BST1: variants seen among roughly 807,000 people sequenced by gnomAD.
The protein encoded by BST1 is bone marrow stromal cell antigen 1, also known as ADP-ribosyl cyclase/cyclic ADP-ribose hydrolase 2.
Under a neutral mutation model 40.6 loss-of-function variants are expected in BST1, and 49 were observed. That is an observed-to-expected ratio of 1.21 (90% confidence interval 0.96 to 1.53). The LOEUF is 1.53. BST1 is among the 40% of genes most tolerant of loss of function. BST1 has a pLI of 0.00. For synonymous variants in BST1, 157 were observed against 159.3 expected, an observed-to-expected ratio of 0.99 and a Z score of 0.11; for missense variants, 423 against 395.9, an observed-to-expected ratio of 1.07 and a Z score of -0.58.
At chr4:15,745,680 T>C in the BST1 span, among the ~76,000 whole-genome samples, 1 of 152,204 alleles carries the variant, frequency 6.6e-6, no homozygotes, top group African/African-American at 2.4e-5. Context: ...CAGAGAAACC[T>C]TCCATGGGCT....
At chr4:15,737,954 C>A in exon 7 of BST1, 1 of 463,862 alleles carries the variant, frequency 2.2e-6, no homozygotes, top group Non-Finnish European at 3.8e-6. Context: ...ATGCTCTCCA[C>A]AAGCTTCAGA....
chr4:15,736,089 C>A, downstream of BST1: 1 of 1,288,938 alleles, frequency 7.8e-7, no homozygotes, highest in Non-Finnish European at 1.0e-6. Flanking sequence ...GAGTGCGACC[C>A]AGAGCAGAAC....
chr4:15,763,984 C>T, the BST1 span, among the ~76,000 whole-genome samples: 1 of 152,140 alleles, frequency 6.6e-6, no homozygotes, highest in Middle Eastern at 3.4e-3. Context: ...GTGTGGACAT[C>T]ACTCTACCTT....
chr4:15,715,220 T>G (rs982341151), intron 4 of BST1, 65 bp from the exon 5 acceptor site: 6 of 1,442,036 alleles, frequency 4.2e-6, no homozygotes, highest in Middle Eastern at 1.7e-4. Context: ...TTGTAAAAAA[T>G]GCACATTTCA....
chr4:15,742,953 A>C (rs11947310), downstream of BST1, among the ~76,000 whole-genome samples: 30,900 of 152,296 alleles, frequency 0.2, 3,289 homozygotes, highest in East Asian at 0.38. Flanking sequence ...CAGCTGCAGC[A>C]GAGATGGGAT....
chr4:15,759,109 G>A, the BST1 span, among the ~76,000 whole-genome samples: 1 of 151,928 alleles, frequency 6.6e-6, no homozygotes, highest in Admixed American at 6.5e-5. Flanking sequence ...TCCTAGTTAT[G>A]TATATCAAAA....
intron 2 of BST1, among the ~76,000 whole-genome samples, chr4:15,706,685 T>C (rs1719895292): frequency 6.6e-6 from 1 of 152,248 alleles, no homozygotes; most frequent in Non-Finnish European, 1.5e-5. Context: ...GGTTCAAAGA[T>C]AGAATAGACT....
chr4:15,760,341 T>C, the BST1 span, among the ~76,000 whole-genome samples: 1 of 151,952 alleles, frequency 6.6e-6, no homozygotes. Flanking sequence ...TAAGGATATT[T>C]GGGTTGTTTC....
At position 15,718,933 on chromosome 4, in the gene BST1, A is replaced by G; in HGVS notation, c.731A>G (p.Lys244Arg). 6.2e-7 allele frequency: 1 copy of G among 1,614,128 alleles called. No individual in the cohort carries two copies. Among genetic ancestry groups the G allele is most frequent in the Non-Finnish European group, 8.5e-7 (1 of 1,179,984 alleles). Reference protein sequence around the residue: ...NVESCGEGSMKVLEKRLKDMG... With the variant: ...NVESCGEGSMRVLEKRLKDMG... Reference sequence around the variant, plus strand: ...GAATCCTGCGGGGAAGGCAGCATGAAAGTCCTGGAAAAGAGGCTGAAGGAC... The same window carrying G: ...GAATCCTGCGGGGAAGGCAGCATGAGAGTCCTGGAAAAGAGGCTGAAGGAC... The change falls in exon 7 of 9, where the codon AAA becomes AGA. Residue 244 changes from lysine (K) to arginine (R), a missense_variant. By Grantham distance (26) the Lys-to-Arg change is conservative (BLOSUM62 2). Transcript: ENST00000265016.
At chr4:15,704,989 C>T (rs1719797716) in intron 1 of BST1, 1 of 767,440 alleles carries the variant, frequency 1.3e-6, no homozygotes, top group African/African-American at 1.7e-5. Flanking sequence ...GTTACAAATG[C>T]TATGGGAAAT....
chr4:15,768,309 T>C, the BST1 span, among the ~76,000 whole-genome samples: 1 of 152,296 alleles, frequency 6.6e-6, no homozygotes, highest in East Asian at 1.9e-4. Context: ...ATGTCAACCC[T>C]CACTCTAAAC....
At chr4:15,731,599 G>A (rs997431110) in intron 8 of BST1, 141 bp from the exon 9 acceptor site, 36 of 1,193,028 alleles carry the variant, frequency 3.0e-5, no homozygotes, top group Non-Finnish European at 4.0e-5. Context: ...CGCCTCCTAC[G>A]GGGTGTCACG....
chr4:15,766,447 TAAAC>T, the BST1 span, among the ~76,000 whole-genome samples: 16 of 151,876 alleles, frequency 1.1e-4, no homozygotes, highest in Non-Finnish European at 2.4e-4. Flanking sequence ...TCTGATGAAA[TAAAC>T]AAGGAAGCCT....
downstream of BST1, among the ~76,000 whole-genome samples, chr4:15,736,610 CAA>C (rs111663075): frequency 1.3e-4 from 17 of 128,218 alleles, no homozygotes; most frequent in South Asian, 2.5e-4. Flanking sequence ...ACTCTGTCTC[CAA>C]AAAAAAAAAA....
downstream of BST1, among the ~76,000 whole-genome samples, chr4:15,735,100 A>G (rs1721506690): frequency 1.3e-5 from 2 of 152,074 alleles, no homozygotes; most frequent in Middle Eastern, 3.2e-3. Context: ...CTCCCTCCTC[A>G]GGGTCTTTGA....
chr4:15,708,614 C>A (rs141623404), intron 3 of BST1, among the ~76,000 whole-genome samples: 19 of 152,186 alleles, frequency 1.2e-4, no homozygotes, highest in Non-Finnish European at 2.4e-4. Context: ...CATGGTAGCT[C>A]ACGCTTGTAA....
chr4:15,707,855 C>CTCTCTCTCTCTA lies in BST1; in HGVS notation c.451+210_451+211insCTCTCTCTCTAT, dbSNP rs544633858. 3.2e-3 allele frequency among the ~76,000 whole-genome samples: 413 copies of CTCTCTCTCTCTA among 128,520 alleles called. 8 individuals are homozygous for CTCTCTCTCTCTA. Among genetic ancestry groups the CTCTCTCTCTCTA allele is most frequent in the African/African-American group, 6.4e-3 (219 of 34,016 alleles). The allele number at this position is 128,520 out of a possible 152,430, so 84.3% of individuals were successfully genotyped here. A position where few individuals can be genotyped will look rare whatever the true frequency, so the allele number is the denominator to read the frequency against. On this transcript the variant is annotated intron_variant, in intron 3 of 8. Coordinates refer to ENST00000265016, the MANE Select transcript of BST1 (RefSeq NM_004334.3). Reference sequence around the variant, plus strand: ...AAGCACTCTCTCTCTCTCTCTCTCTCTATATATATATATATATATACACAT... The same window carrying CTCTCTCTCTCTA: ...AAGCACTCTCTCTCTCTCTCTCTCTCTCTCTCTCTCTATATATATATATATATATATACACAT...
intron 6 of BST1, among the ~76,000 whole-genome samples, chr4:15,717,331 A>G (rs1405586111): frequency 6.6e-6 from 1 of 152,046 alleles, no homozygotes; most frequent in Admixed American, 6.6e-5. Context: ...CTCCCCCTCT[A>G]TTAATTTTAT....
At chr4:15,761,665 G>GGT in the BST1 span, among the ~76,000 whole-genome samples, 3 of 151,866 alleles carry the variant, frequency 2.0e-5, no homozygotes, top group Non-Finnish European at 4.4e-5. Context: ...CTTGCATGAT[G>GGT]GTGTGCACAG....
Sources: allele counts gnomAD v4.1 joint callset (sites outside exome capture counted in the v4.1 genomes callset), GRCh38; gene constraint gnomAD v4.1.1; transcripts MANE v1.5; gene names NCBI Gene and HGNC (gene_info 2026-07-23, HGNC 2026-07-21).